The following TPO variants were observed in gnomAD, a reference collection of about 807,000 sequenced individuals.
The protein encoded by TPO is thyroid peroxidase, also known as thyroid microsomal antigen.
Under a neutral mutation model 96.9 loss-of-function variants are expected in TPO, and 78 were observed. The observed-to-expected ratio is 0.81, with a 90% confidence interval of 0.67 to 0.97. The LOEUF (loss-of-function observed/expected upper bound fraction) is 0.97, where lower values mean the gene tolerates loss of function less well. Ranked by LOEUF, TPO falls within the 50% of genes least tolerant of loss-of-function variation. The pLI is 0.00. For missense variants in TPO, 1,252 were observed against 1,274.8 expected (o/e 0.98, Z 0.27); for synonymous variants, 547 against 538.0 (o/e 1.02, Z -0.23).
chr2:1,542,593 A>ATCTAG lies in TPO; in HGVS notation c.*121_*125dup. ...ACGACTGTTTTCCCAACACGGGTAA[A>ATCTAG]TCTAGTACCATGTCGTAGTTACTCT... On this transcript the variant is annotated 3_prime_UTR_variant, in exon 17 of 17. Transcript: ENST00000329066. 1 of 1,559,706 alleles carries ATCTAG rather than the reference A, an allele frequency of 6.4e-7. No individual in the cohort carries two copies. The highest frequency in any genetic ancestry group is 8.7e-7 in the Non-Finnish European group (1 of 1,150,934).
chr2:1,493,210 G>GGGC (rs1671955209), intron 10 of TPO, among the ~76,000 whole-genome samples: 1 of 65,232 alleles, frequency 1.5e-5, no homozygotes, highest in African/African-American at 6.1e-5. Flanking sequence ...GTGAGTGGGT[G>GGGC]GGGGGGGGGG....
chr2:1,467,424 C>T (rs1669004997), intron 7 of TPO, among the ~76,000 whole-genome samples: 1 of 152,084 alleles, frequency 6.6e-6, no homozygotes, highest in Non-Finnish European at 1.5e-5. Flanking sequence ...TTTTAATTTC[C>T]ATCTTGATTT....
At chr2:1,478,496 C>G (rs1435328136) in intron 8 of TPO, among the ~76,000 whole-genome samples, 2 of 152,216 alleles carry the variant, frequency 1.3e-5, no homozygotes, top group Non-Finnish European at 2.9e-5. Context: ...CCCCCGGGCA[C>G]CATGCGCCCC....
chr2:1,473,791 AC>A (rs1669651030), intron 7 of TPO, among the ~76,000 whole-genome samples: 1 of 151,986 alleles, frequency 6.6e-6, no homozygotes, highest in African/African-American at 2.4e-5. Context: ...TTTCTCCATT[AC>A]CATTCATGGT....
intron 14 of TPO, among the ~76,000 whole-genome samples, chr2:1,506,909 T>G (rs1020504966): frequency 9.9e-5 from 15 of 152,156 alleles, no homozygotes; most frequent in African/African-American, 3.4e-4. Context: ...TTTGTCAATT[T>G]TGGCTTTTGT....
At chr2:1,472,851 A>G (rs997024256) in intron 7 of TPO, among the ~76,000 whole-genome samples, 1 of 135,454 alleles carries the variant, frequency 7.4e-6, no homozygotes, top group Non-Finnish European at 1.6e-5. Flanking sequence ...AAAAAAAAAA[A>G]GGAGAGAGAG....
chr2:1,438,007 A>G (rs1475559427), intron 5 of TPO, among the ~76,000 whole-genome samples: 1 of 151,990 alleles, frequency 6.6e-6, no homozygotes, highest in Admixed American at 6.6e-5. Context: ...TGGAGGGACC[A>G]GGCCTGGATG....
At chr2:1,413,347 A>G (rs572414762), upstream of TPO, 2 of 152,266 alleles carry the variant, frequency 1.3e-5, no homozygotes, top group East Asian at 1.9e-4. Flanking sequence ...CGCAAACACA[A>G]CAAAGCCCGC....
chr2:1,440,571 G>T (rs1458394802), intron 5 of TPO, among the ~76,000 whole-genome samples: 1 of 151,820 alleles, frequency 6.6e-6, no homozygotes, highest in African/African-American at 2.4e-5. Context: ...CCTTTGTGTG[G>T]TGTAGCTAAT....
At chr2:1,385,063 C>A (rs1661869425) in intron 1 of TPO, among the ~76,000 whole-genome samples, 1 of 152,044 alleles carries the variant, frequency 6.6e-6, no homozygotes, top group Non-Finnish European at 1.5e-5. Flanking sequence ...GGATGAAGCC[C>A]ATTTGATCAT....
intron 15 of TPO, among the ~76,000 whole-genome samples, chr2:1,528,519 C>A (rs1677166184): frequency 6.9e-6 from 1 of 144,628 alleles, no homozygotes; most frequent in Non-Finnish European, 1.5e-5. Flanking sequence ...CCCCAAATTC[C>A]AACTGTGTAC....
chr2:1,379,589 A>G (rs11686823), intron 1 of TPO, among the ~76,000 whole-genome samples: 27,295 of 152,018 alleles, frequency 0.18, 4,848 homozygotes, highest in African/African-American at 0.46. Context: ...GATGTGCTTC[A>G]ATAATCTCGG....
chr2:1,496,163 G>T lies in TPO; in HGVS notation c.2181G>T (p.Met727Ile), dbSNP rs886054919. The change falls in exon 12 of 17, where the codon ATG becomes ATT. Residue 727 changes from methionine (M) to isoleucine (I), a missense_variant. Coordinates refer to ENST00000329066, the MANE Select transcript of TPO (RefSeq NM_001206744.2). ...DFESCDSITGMNLEAWRETFP... is the reference protein window; with the variant it reads ...DFESCDSITGINLEAWRETFP... Reference sequence around the variant, plus strand: ...AGTCTTGTGACAGCATCACTGGCATGAACCTGGAGGCCTGGAGGGAAACCT... The same window carrying T: ...AGTCTTGTGACAGCATCACTGGCATTAACCTGGAGGCCTGGAGGGAAACCT... 6.2e-6 allele frequency: 10 copies of T among 1,614,022 alleles called. No individual in the cohort carries two copies. The highest frequency in any genetic ancestry group is 7.6e-6 in the Non-Finnish European group (9 of 1,180,042).
intron 15 of TPO, among the ~76,000 whole-genome samples, chr2:1,517,187 A>C (rs563682493): frequency 7.2e-5 from 11 of 152,294 alleles, no homozygotes; most frequent in African/African-American, 2.4e-4. Flanking sequence ...TGGAGTGATC[A>C]TTTGTACACC....
In TPO at chr2:1,453,258, G is replaced by A. The variant is rs567731835; in HGVS notation, c.483-436G>A. ...CAATCACACGGGCAGGAACAGGCGC[G>A]ACACCCTGGTGGCTTCATGGTGCTT... On this transcript the variant is annotated intron_variant, in intron 5 of 16. Transcript: ENST00000329066. 1.0e-3 allele frequency among the ~76,000 whole-genome samples: 158 copies of A among 152,320 alleles called. 1 individual carries two copies. Among genetic ancestry groups the A allele is most frequent in the African/African-American group, 3.6e-3 (149 of 41,584 alleles).
chr2:1,538,155 G>A (rs1680293761), intron 15 of TPO, among the ~76,000 whole-genome samples: 1 of 140,594 alleles, frequency 7.1e-6, no homozygotes, highest in Non-Finnish European at 1.6e-5. Flanking sequence ...ACCCCATACT[G>A]TGTACAACCT....
chr2:1,489,203 AGCACATGCCCAGCACACGCCT>A (rs1223101604), intron 10 of TPO, among the ~76,000 whole-genome samples: 2 of 141,858 alleles, frequency 1.4e-5, no homozygotes, highest in South Asian at 2.3e-4. Context: ...TCACATGCCC[AGCACATGCCCAGCACACGCCT>A]GCACATGCCC....
intron 8 of TPO, among the ~76,000 whole-genome samples, chr2:1,481,053 C>T (rs946462761): frequency 2.0e-5 from 3 of 152,084 alleles, no homozygotes; most frequent in African/African-American, 7.2e-5. Flanking sequence ...TCGGGGGACT[C>T]GCACGTAGGA....
intron 7 of TPO, among the ~76,000 whole-genome samples, chr2:1,464,841 CTG>C (rs1176859091): frequency 1.3e-5 from 2 of 152,204 alleles, no homozygotes; most frequent in African/African-American, 4.8e-5. Context: ...TTCTCCCACT[CTG>C]TGAGTTGTCT....
Sources: allele counts gnomAD v4.1 joint callset (sites outside exome capture counted in the v4.1 genomes callset), GRCh38; gene constraint gnomAD v4.1.1; transcripts MANE v1.5; gene names NCBI Gene and HGNC (gene_info 2026-07-23, HGNC 2026-07-21).